Variants in ARHGAP42 observed in about 807,000 individuals in gnomAD.
The protein encoded by ARHGAP42 is rho GTPase-activating protein 42.
A neutral mutation model predicts 125.0 loss-of-function variants in ARHGAP42; 63 were observed. The ratio of observed to expected loss-of-function variants is 0.50; its 90% CI spans 0.41 to 0.62. The LOEUF (loss-of-function observed/expected upper bound fraction) is 0.62, where lower values mean the gene tolerates loss of function less well. Among genes scored for constraint, ARHGAP42 ranks in the 20% least tolerant of loss-of-function variants. ARHGAP42 has a pLI of 0.00. For missense variants in ARHGAP42, 766 were observed against 1,024.2 expected, an observed-to-expected ratio of 0.75 and a Z score of 3.44; for synonymous variants, 339 against 351.0, an observed-to-expected ratio of 0.97 and a Z score of 0.38.
At chr11:100,881,032 G>A (rs776696597) in intron 4 of ARHGAP42, among the ~76,000 whole-genome samples, 2 of 152,038 alleles carry the variant, frequency 1.3e-5, no homozygotes, top group Non-Finnish European at 2.9e-5. Flanking sequence ...GCCACCCTGT[G>A]GGTTGTCTGT....
chr11:100,702,872 G>C (rs1168582834), intron 1 of ARHGAP42, among the ~76,000 whole-genome samples: 4 of 152,022 alleles, frequency 2.6e-5, no homozygotes, highest in African/African-American at 4.8e-5. Context: ...GGGTTGGCCA[G>C]GCTGGTCTCG....
At chr11:100,963,799 C>T (rs1418494259) in intron 16 of ARHGAP42, among the ~76,000 whole-genome samples, 1 of 152,178 alleles carries the variant, frequency 6.6e-6, no homozygotes, top group Non-Finnish European at 1.5e-5. Flanking sequence ...CTAATAAATT[C>T]ATGGCAAAAT....
intron 17 of ARHGAP42, among the ~76,000 whole-genome samples, chr11:100,969,519 T>C (rs1858184092): frequency 6.6e-6 from 1 of 152,192 alleles, no homozygotes; most frequent in Non-Finnish European, 1.5e-5. Context: ...CACAGATTTT[T>C]TTCTGATGAT....
chr11:100,871,203 T>C (rs1052096344), intron 4 of ARHGAP42, among the ~76,000 whole-genome samples: 5 of 152,162 alleles, frequency 3.3e-5, no homozygotes, highest in African/African-American at 1.2e-4. Flanking sequence ...GAACTGTCTA[T>C]AGATTTAAAA....
chr11:100,736,081 G>T (rs1862062126), intron 1 of ARHGAP42, among the ~76,000 whole-genome samples: 1 of 152,148 alleles, frequency 6.6e-6, no homozygotes, highest in Admixed American at 6.5e-5. Context: ...AAAAATCATG[G>T]CCCAGCTGTT....
Position 100,802,329 on chromosome 11 carries a change from A to G in ARHGAP42, c.312+7163A>G, listed in dbSNP as rs549519710. ...CCTCTTCTTTGTTGTTTGTATTGAAATAGTGAAGTTGACTCTCGCCTCCAT... is the reference window on the plus strand; with the variant it reads ...CCTCTTCTTTGTTGTTTGTATTGAAGTAGTGAAGTTGACTCTCGCCTCCAT... On this transcript the variant is annotated intron_variant, in intron 3 of 23. Transcript: ENST00000298815. 2.0e-5 allele frequency among the ~76,000 whole-genome samples: 3 copies of G among 152,216 alleles called. No homozygotes were observed. The South Asian group carries it at 6.2e-4, about 32-fold the overall frequency.
chr11:100,977,680 G>A (rs1858427650), intron 21 of ARHGAP42, among the ~76,000 whole-genome samples: 1 of 152,172 alleles, frequency 6.6e-6, no homozygotes, highest in Admixed American at 6.5e-5. Flanking sequence ...ATTACTGGAT[G>A]TCTTTACATG....
intron 4 of ARHGAP42, among the ~76,000 whole-genome samples, chr11:100,887,398 A>T (rs1300054777): frequency 2.6e-5 from 4 of 152,160 alleles, no homozygotes; most frequent in African/African-American, 9.7e-5. Context: ...GCCATTCTCC[A>T]TGATCTCTCC....
intron 4 of ARHGAP42, among the ~76,000 whole-genome samples, chr11:100,883,535 G>A (rs1461315541): frequency 2.6e-5 from 4 of 152,088 alleles, no homozygotes; most frequent in African/African-American, 7.2e-5. Flanking sequence ...TAGAGATGGG[G>A]CTTCACCATT....
At chr11:100,852,405 G>A (rs531276735) in intron 3 of ARHGAP42, among the ~76,000 whole-genome samples, 5 of 152,138 alleles carry the variant, frequency 3.3e-5, no homozygotes, top group South Asian at 2.1e-4. Flanking sequence ...TTAAATTCAC[G>A]AATGAATAAT....
intron 22 of ARHGAP42, among the ~76,000 whole-genome samples, chr11:100,983,982 G>A (rs1466383640): frequency 1.3e-5 from 2 of 152,060 alleles, no homozygotes; most frequent in African/African-American, 2.4e-5. Context: ...TTGGCACGGT[G>A]GTGTGCACCT....
intron 1 of ARHGAP42, among the ~76,000 whole-genome samples, chr11:100,748,964 C>G (rs1862372463): frequency 6.6e-6 from 1 of 152,134 alleles, no homozygotes; most frequent in South Asian, 2.1e-4. Flanking sequence ...CTGACTCCCT[C>G]TTTGTCTCTC....
At chr11:100,961,909 C>G (rs753803518) in intron 15 of ARHGAP42, 141 bp downstream of exon 15, 54 of 607,382 alleles carry the variant, frequency 8.9e-5, no homozygotes, top group Non-Finnish European at 2.3e-5. Context: ...AATAGCATGA[C>G]ATGGTAACAT....
chr11:100,795,453 A>G (rs1161373367), intron 3 of ARHGAP42, among the ~76,000 whole-genome samples: 2 of 152,136 alleles, frequency 1.3e-5, no homozygotes, highest in Non-Finnish European at 2.9e-5. Context: ...CCATTAAGAA[A>G]CCCATTCTAA....
intron 1 of ARHGAP42, among the ~76,000 whole-genome samples, chr11:100,690,524 TA>T (rs1176842068): frequency 6.6e-6 from 1 of 152,230 alleles, no homozygotes; most frequent in African/African-American, 2.4e-5. Flanking sequence ...TCAATTGAAC[TA>T]GATAATTTCA....
chr11:100,857,539 G>T (rs1865349593), intron 3 of ARHGAP42, among the ~76,000 whole-genome samples: 1 of 152,092 alleles, frequency 6.6e-6, no homozygotes, highest in African/African-American at 2.4e-5. Flanking sequence ...GCCAATGTGA[G>T]ATGGGATTTC....
At chr11:100,942,743 A>C (rs575097263) in intron 9 of ARHGAP42, among the ~76,000 whole-genome samples, 3 of 152,168 alleles carry the variant, frequency 2.0e-5, no homozygotes, top group Non-Finnish European at 4.4e-5. Flanking sequence ...GTACTTGGGC[A>C]TTCATCAGAG....
chr11:100,712,219 A>G (rs1466773707), intron 1 of ARHGAP42, among the ~76,000 whole-genome samples: 5 of 152,196 alleles, frequency 3.3e-5, no homozygotes, highest in Admixed American at 6.5e-5. Flanking sequence ...TCGCTGCAGT[A>G]TTGCATGCAG....
chr11:100,705,111 T>C (rs1447195459), intron 1 of ARHGAP42, among the ~76,000 whole-genome samples: 2 of 152,020 alleles, frequency 1.3e-5, no homozygotes, highest in East Asian at 3.9e-4. Context: ...ATCTTTGAGA[T>C]TGTGCTTTGT....
Sources: allele counts gnomAD v4.1 joint callset (sites outside exome capture counted in the v4.1 genomes callset), GRCh38; gene constraint gnomAD v4.1.1; transcripts MANE v1.5; gene names NCBI Gene and HGNC (gene_info 2026-07-23, HGNC 2026-07-21).